RABGAP1L: variants seen among roughly 807,000 people sequenced by gnomAD.
RABGAP1L encodes RAB GTPase activating protein 1 like, also known as rab GTPase-activating protein 1-like.
RABGAP1L carries 63 observed loss-of-function variants against 137.7 expected under a neutral mutation model. The ratio of observed to expected loss-of-function variants is 0.46; its 90% CI spans 0.37 to 0.56. RABGAP1L has a LOEUF of 0.56. Among genes scored for constraint, RABGAP1L ranks in the 20% least tolerant of loss-of-function variants. The pLI is 0.00. For synonymous variants in RABGAP1L, 431 were observed against 433.7 expected (o/e 0.99, Z 0.08); for missense variants, 1,095 against 1,244.0 (o/e 0.88, Z 1.80).
chr1:174,165,508 T>G (rs1445199945), intron 1 of RABGAP1L, among the ~76,000 whole-genome samples: 1 of 151,866 alleles, frequency 6.6e-6, no homozygotes, highest in African/African-American at 2.4e-5. Flanking sequence ...TTTTTTTTTT[T>G]TTAATTTGGA....
intron 17 of RABGAP1L, among the ~76,000 whole-genome samples, chr1:174,736,732 A>T (rs919272471): frequency 6.6e-6 from 1 of 152,240 alleles, no homozygotes; most frequent in Non-Finnish European, 1.5e-5. Flanking sequence ...TCTGCCAAGC[A>T]TCCTTCATGC....
In RABGAP1L at chr1:174,630,143, T is replaced by A. The variant is rs141562365; in HGVS notation, c.1711-7232T>A. Among the ~76,000 whole-genome samples, 137 of 151,840 alleles carry A rather than the reference T, an allele frequency of 9.0e-4. 1 individual carries two copies. The East Asian group carries it at 0.021, about 24-fold the overall frequency. On this transcript the variant is annotated intron_variant, in intron 13 of 25. Coordinates refer to ENST00000681986, the MANE Select transcript of RABGAP1L (RefSeq NM_001366446.1). Reference sequence around the variant, plus strand: ...TGTCAAAGGCTTTTTCGGCATCTATTGAGATAATCGTGGTTTTTGTCTTTG... The same window carrying A: ...TGTCAAAGGCTTTTTCGGCATCTATAGAGATAATCGTGGTTTTTGTCTTTG...
At position 174,219,315 on chromosome 1, in the gene RABGAP1L, A is replaced by T. The variant is rs758758188; in HGVS notation, c.138+20A>T. On this transcript the variant is annotated intron_variant, in intron 2 of 25. Transcript: ENST00000681986. ...CTGAAGGTATTTTTTTCTTTTCTAC[A>T]TATGGTATAATTTTTAATTAAAAAC... is the stretch of plus-strand genomic sequence containing the variant. 3 of 1,462,696 alleles carry T rather than the reference A, an allele frequency of 2.1e-6. No individual in the cohort carries two copies. Among genetic ancestry groups the T allele is most frequent in the Non-Finnish European group, 2.8e-6 (3 of 1,085,272 alleles). 90.6% of individuals were successfully genotyped at this position (1,462,696 alleles called of 1,614,324 possible).
chr1:174,811,306 A>G (rs1338852663), intron 18 of RABGAP1L, among the ~76,000 whole-genome samples: 1 of 152,184 alleles, frequency 6.6e-6, no homozygotes, highest in Non-Finnish European at 1.5e-5. Flanking sequence ...GCATTCTTCA[A>G]GGTATGGGAT....
At chr1:174,817,288 A>G (rs970309791) in intron 19 of RABGAP1L, among the ~76,000 whole-genome samples, 20 of 152,208 alleles carry the variant, frequency 1.3e-4, no homozygotes, top group Admixed American at 1.2e-3. Flanking sequence ...TTAGGAAAGA[A>G]AAGTTATTTA....
At chr1:174,744,848 T>G (rs1441899374) in intron 17 of RABGAP1L, among the ~76,000 whole-genome samples, 1 of 152,190 alleles carries the variant, frequency 6.6e-6, no homozygotes, top group African/African-American at 2.4e-5. Flanking sequence ...TTGATAAAAA[T>G]AATAGTTTCT....
chr1:174,289,789 G>T (rs1160292539), intron 10 of RABGAP1L, among the ~76,000 whole-genome samples: 26 of 152,204 alleles, frequency 1.7e-4, no homozygotes, highest in Non-Finnish European at 1.0e-4. Flanking sequence ...CCCCTGACTG[G>T]TATCTGAGGT....
chr1:174,492,113 T>C (rs1660294430), intron 13 of RABGAP1L, among the ~76,000 whole-genome samples: 1 of 152,032 alleles, frequency 6.6e-6, no homozygotes, highest in African/African-American at 2.4e-5. Flanking sequence ...GGTATTCCTC[T>C]TGGGAAGACA....
intron 17 of RABGAP1L, among the ~76,000 whole-genome samples, chr1:174,736,082 T>C (rs911904508): frequency 6.6e-6 from 1 of 152,134 alleles, no homozygotes; most frequent in Non-Finnish European, 1.5e-5. Context: ...AACCGGCCCT[T>C]CTCAATAGTT....
At chr1:174,554,412 C>T (rs1032287779) in intron 13 of RABGAP1L, among the ~76,000 whole-genome samples, 3 of 152,126 alleles carry the variant, frequency 2.0e-5, no homozygotes, top group African/African-American at 7.2e-5. Flanking sequence ...TCTTGATAAC[C>T]TGGTGGCTGT....
chr1:174,953,889 G>A (rs1449669680), intron 19 of RABGAP1L, among the ~76,000 whole-genome samples: 1 of 152,182 alleles, frequency 6.6e-6, no homozygotes, highest in Non-Finnish European at 1.5e-5. Context: ...GAGGCATTGG[G>A]CAAGGAGTAG....
chr1:174,304,328 T>C (rs1306311985), intron 10 of RABGAP1L, among the ~76,000 whole-genome samples: 2 of 151,934 alleles, frequency 1.3e-5, no homozygotes, highest in African/African-American at 4.8e-5. Context: ...TGTAATTTGG[T>C]TTATATATAT....
At chr1:174,865,469 A>G (rs1651038455) in intron 19 of RABGAP1L, among the ~76,000 whole-genome samples, 1 of 152,246 alleles carries the variant, frequency 6.6e-6, no homozygotes, top group African/African-American at 2.4e-5. Flanking sequence ...TTAGAATTCT[A>G]TCTTGCAGAG....
At chr1:174,475,342 G>C (rs41472847) in intron 13 of RABGAP1L, among the ~76,000 whole-genome samples, 2 of 151,932 alleles carry the variant, frequency 1.3e-5, no homozygotes, top group Admixed American at 6.6e-5. Flanking sequence ...TGATTGGTTG[G>C]ACTGTCTTTG....
intron 13 of RABGAP1L, among the ~76,000 whole-genome samples, chr1:174,542,221 C>T (rs921827000): frequency 2.6e-5 from 4 of 152,108 alleles, no homozygotes; most frequent in African/African-American, 9.7e-5. Context: ...TCCATCTGGT[C>T]CTGGACTTTT....
chr1:174,724,552 T>C (rs1224733432), intron 17 of RABGAP1L, among the ~76,000 whole-genome samples: 3 of 152,224 alleles, frequency 2.0e-5, no homozygotes, highest in Non-Finnish European at 4.4e-5. Context: ...ACTTAACATC[T>C]AGAGGACCAG....
chr1:174,281,189 C>G (rs1675501016), intron 10 of RABGAP1L, among the ~76,000 whole-genome samples: 1 of 152,088 alleles, frequency 6.6e-6, no homozygotes, highest in Non-Finnish European at 1.5e-5. Context: ...TGGAAGAGGA[C>G]CCGAGCGGGT....
intron 13 of RABGAP1L, among the ~76,000 whole-genome samples, chr1:174,597,288 A>G (rs1314686496): frequency 6.6e-6 from 1 of 152,138 alleles, no homozygotes; most frequent in Non-Finnish European, 1.5e-5. Flanking sequence ...TTTGAATAGG[A>G]TTGATATTAG....
chr1:174,657,397 C>T (rs1676042640), intron 14 of RABGAP1L, among the ~76,000 whole-genome samples: 1 of 152,152 alleles, frequency 6.6e-6, no homozygotes, highest in African/African-American at 2.4e-5. Flanking sequence ...TCTCCACCCC[C>T]TTCTCTCTAC....
Sources: allele counts gnomAD v4.1 joint callset (sites outside exome capture counted in the v4.1 genomes callset), GRCh38; gene constraint gnomAD v4.1.1; transcripts MANE v1.5; gene names NCBI Gene and HGNC (gene_info 2026-07-23, HGNC 2026-07-21).